The following BNC2 variants were observed in gnomAD, a reference collection of about 807,000 sequenced individuals.
The protein encoded by BNC2 is basonuclin zinc finger protein 2.
Under a neutral mutation model 76.3 loss-of-function variants are expected in BNC2, and 20 were observed. The observed-to-expected ratio is 0.26, with a 90% CI of 0.18 to 0.38. The LOEUF (loss-of-function observed/expected upper bound fraction) is 0.38. BNC2 is among the 10% of genes least tolerant of loss of function. The probability of loss-of-function intolerance (pLI) is 1.00; values close to 1 mark genes in which losing one functional copy is unlikely to be tolerated. For synonymous variants in BNC2, 582 were observed against 514.8 expected (o/e 1.13, Z -1.77); for missense variants, 1,382 against 1,399.8 (o/e 0.99, Z 0.20).
chr9:16,778,015 T>C (rs947545372), intron 1 of BNC2, among the ~76,000 whole-genome samples: 3 of 152,226 alleles, frequency 2.0e-5, no homozygotes, highest in East Asian at 1.9e-4. Context: ...TATATGTATG[T>C]AGATGTGTAT....
intron 3 of BNC2, among the ~76,000 whole-genome samples, chr9:16,627,698 C>T (rs962787700): frequency 6.6e-6 from 1 of 152,168 alleles, no homozygotes; most frequent in Non-Finnish European, 1.5e-5. Flanking sequence ...TTCTTATGAG[C>T]TGTAATACCA....
intron 3 of BNC2, among the ~76,000 whole-genome samples, chr9:16,678,403 G>C (rs1822723389): frequency 6.7e-6 from 1 of 149,688 alleles, no homozygotes. Flanking sequence ...AAATAGCTGG[G>C]ATTACAGGCA....
intron 5 of BNC2, among the ~76,000 whole-genome samples, chr9:16,539,230 C>T (rs761180065): frequency 3.4e-4 from 51 of 152,106 alleles, no homozygotes; most frequent in Non-Finnish European, 5.4e-4. Context: ...AAAATAAATA[C>T]GACTGGGCGT....
intron 1 of BNC2, among the ~76,000 whole-genome samples, chr9:16,807,356 A>G (rs1487174872): frequency 6.6e-6 from 1 of 152,228 alleles, no homozygotes; most frequent in Non-Finnish European, 1.5e-5. Flanking sequence ...AGAAACTATC[A>G]TTTTATTAAC....
At chr9:16,628,957 G>C (rs1821080010) in intron 3 of BNC2, among the ~76,000 whole-genome samples, 1 of 152,132 alleles carries the variant, frequency 6.6e-6, no homozygotes, top group African/African-American at 2.4e-5. Flanking sequence ...GTCATTAAGT[G>C]ATCAGTAGCT....
chr9:16,727,326 GC>G (rs1262390403), intron 3 of BNC2: 1 of 170,042 alleles, frequency 5.9e-6, no homozygotes, highest in Non-Finnish European at 1.3e-5. Context: ...TCTGAACGAA[GC>G]TGCCTCCAGC....
chr9:16,722,345 G>A (rs1450627426), intron 3 of BNC2, among the ~76,000 whole-genome samples: 1 of 152,230 alleles, frequency 6.6e-6, no homozygotes, highest in African/African-American at 2.4e-5. Context: ...TGACATGGGA[G>A]TGGGAGGATG....
intron 3 of BNC2, among the ~76,000 whole-genome samples, chr9:16,717,079 G>A (rs181939649): frequency 6.6e-6 from 1 of 152,276 alleles, no homozygotes; most frequent in African/African-American, 2.4e-5. Flanking sequence ...TTTCTTATGG[G>A]AAACATTTTT....
chr9:16,688,912 G>T (rs1823060474), intron 3 of BNC2, among the ~76,000 whole-genome samples: 1 of 152,068 alleles, frequency 6.6e-6, no homozygotes, highest in Non-Finnish European at 1.5e-5. Context: ...AGGAATCATG[G>T]TGTGTGAGAG....
At chr9:16,639,703 G>A (rs1296216542) in intron 3 of BNC2, among the ~76,000 whole-genome samples, 1 of 152,072 alleles carries the variant, frequency 6.6e-6, no homozygotes, top group Non-Finnish European at 1.5e-5. Context: ...GACCGCTTGA[G>A]CCCAAGAGTT....
intron 1 of BNC2, among the ~76,000 whole-genome samples, chr9:16,843,280 A>G (rs1368587056): frequency 6.6e-6 from 1 of 152,220 alleles, no homozygotes; most frequent in Non-Finnish European, 1.5e-5. Flanking sequence ...TTTGTACTAG[A>G]TAGTACTGAG....
Position 16,497,989 on chromosome 9 carries a change from GTGTGTGTGTGTGTGTGT to G in BNC2, c.669+54524_669+54540del, listed in dbSNP as rs1822427736. 2.6e-5 allele frequency among the ~76,000 whole-genome samples: 3 copies of G among 115,050 alleles called. No individual in the cohort carries two copies. The African/African-American group carries it at 2.8e-4, about 11-fold the overall frequency. 75.5% of individuals were successfully genotyped at this position (115,050 alleles called of 152,430 possible). On this transcript the variant is annotated intron_variant, in intron 5 of 6. Coordinates refer to ENST00000380672, the MANE Select transcript of BNC2 (RefSeq NM_017637.6). ...GATAAAGAAACTGTGGTGTGTGTGT[GTGTGTGTGTGTGTGTGT>G]GTGTGTGTGTGTATGTATTCCACCA... is the stretch of plus-strand genomic sequence containing the variant.
chr9:16,782,288 AAAT>A (rs542080098), intron 1 of BNC2, among the ~76,000 whole-genome samples: 66 of 151,898 alleles, frequency 4.3e-4, no homozygotes, highest in Non-Finnish European at 6.3e-4. Context: ...TGTCTCAAAA[AAAT>A]AATAATAATG....
At chr9:16,559,972 G>A (rs1038592198) in intron 4 of BNC2, among the ~76,000 whole-genome samples, 3 of 152,218 alleles carry the variant, frequency 2.0e-5, no homozygotes, top group African/African-American at 7.2e-5. Flanking sequence ...CAATGCTGCC[G>A]GGAATGCAGT....
intron 1 of BNC2, among the ~76,000 whole-genome samples, chr9:16,785,093 A>T (rs1490607890): frequency 6.6e-6 from 1 of 152,152 alleles, no homozygotes; most frequent in Non-Finnish European, 1.5e-5. Context: ...TTGGAAAGGG[A>T]ATGTGTTTGC....
intron 3 of BNC2, among the ~76,000 whole-genome samples, chr9:16,695,519 T>C (rs1233625198): frequency 7.1e-6 from 1 of 141,008 alleles, no homozygotes; most frequent in African/African-American, 2.6e-5. Flanking sequence ...TTAGCTAAAT[T>C]TTTTTCTTTT....
chr9:16,600,179 G>A (rs2133287798), intron 3 of BNC2, among the ~76,000 whole-genome samples: 1 of 152,302 alleles, frequency 6.6e-6, no homozygotes, highest in South Asian at 2.1e-4. Context: ...TTTGTGAGAT[G>A]GCTGTTTCCT....
chr9:16,775,675 G>A (rs1320120449), intron 1 of BNC2: 4 of 214,020 alleles, frequency 1.9e-5, no homozygotes, highest in Admixed American at 8.9e-5. Context: ...GCTGGTCCAC[G>A]CTTTGGTCTT....
chr9:16,704,679 GGT>G (rs1563907402), intron 3 of BNC2: 1 of 81,132 alleles, frequency 1.2e-5, no homozygotes, highest in Non-Finnish European at 2.7e-5. Flanking sequence ...ACAGAGAAAT[GGT>G]TTTTTTTTTT....
Sources: gnomAD v4.1 joint callset for allele counts (sites outside exome capture counted in the v4.1 genomes callset) on GRCh38, gnomAD v4.1.1 for gene constraint, MANE v1.5 for transcripts, NCBI Gene and HGNC (gene_info 2026-07-23, HGNC 2026-07-21) for gene names.